The following RGS7 variants were observed in gnomAD, a reference collection of about 807,000 sequenced individuals.
The protein encoded by RGS7 is regulator of G-protein signaling 7.
A neutral mutation model predicts 81.1 loss-of-function variants in RGS7; 27 were observed. The observed-to-expected ratio is 0.33, with a 90% confidence interval of 0.25 to 0.46. RGS7 has a LOEUF of 0.46. Ranked by LOEUF, RGS7 falls within the 20% of genes least tolerant of loss-of-function variation. The pLI, the probability that RGS7 is intolerant of heterozygous loss-of-function variation, is 1.00. For missense variants in RGS7, 396 were observed against 607.4 expected, an observed-to-expected ratio of 0.65 and a Z score of 3.66; for synonymous variants, 208 against 207.7, an observed-to-expected ratio of 1.00 and a Z score of -0.01.
chr1:240,854,547 C>T (rs1468563459), intron 9 of RGS7, among the ~76,000 whole-genome samples: 2 of 152,144 alleles, frequency 1.3e-5, no homozygotes, highest in African/African-American at 2.4e-5. Flanking sequence ...GGAAAGGAGA[C>T]GCTACGCCTC....
At chr1:241,026,165 C>A (rs1558614928) in intron 3 of RGS7, among the ~76,000 whole-genome samples, 2 of 152,238 alleles carry the variant, frequency 1.3e-5, no homozygotes, top group Non-Finnish European at 2.9e-5. Context: ...ACACATTTTT[C>A]TTATTATATT....
At chr1:240,984,660 G>A (rs887106847) in intron 3 of RGS7, among the ~76,000 whole-genome samples, 2 of 152,116 alleles carry the variant, frequency 1.3e-5, no homozygotes, top group African/African-American at 4.8e-5. Context: ...TTATGCCTGC[G>A]TGAATTGAAT....
intron 2 of RGS7, among the ~76,000 whole-genome samples, chr1:241,227,458 C>T (rs2140065): frequency 0.18 from 27,199 of 150,026 alleles, 2,985 homozygotes; most frequent in African/African-American, 0.32. Context: ...CTTTCAAGAG[C>T]GAATAGGCTC....
intron 14 of RGS7, among the ~76,000 whole-genome samples, chr1:240,809,078 T>C (rs1319761689): frequency 6.6e-6 from 1 of 152,160 alleles, no homozygotes; most frequent in African/African-American, 2.4e-5. Flanking sequence ...ATAAATTATA[T>C]AGAAGGCACT....
At chr1:241,091,675 C>T (rs1252264257) in intron 3 of RGS7, among the ~76,000 whole-genome samples, 1 of 151,900 alleles carries the variant, frequency 6.6e-6, no homozygotes, top group East Asian at 1.9e-4. Flanking sequence ...CTCTTGAGTC[C>T]AGGAGTTTGA....
intron 2 of RGS7, among the ~76,000 whole-genome samples, chr1:241,158,092 T>TA (rs1417609681): frequency 2.6e-5 from 4 of 152,122 alleles, no homozygotes; most frequent in Non-Finnish European, 5.9e-5. Flanking sequence ...GTGCTGGAAT[T>TA]ACAGGTGTGA....
intron 3 of RGS7, among the ~76,000 whole-genome samples, chr1:241,049,839 G>A (rs929365903): frequency 2.6e-5 from 4 of 152,120 alleles, no homozygotes; most frequent in Admixed American, 6.5e-5. Flanking sequence ...TGGGACAGAC[G>A]CATGAAATCT....
intron 2 of RGS7, among the ~76,000 whole-genome samples, chr1:241,306,620 A>C (rs577515217): frequency 7.9e-5 from 12 of 151,810 alleles, no homozygotes; most frequent in Middle Eastern, 3.4e-3. Context: ...ATATATACGC[A>C]CATGTCCACA....
At chr1:241,103,187 A>G (rs912029048) in intron 2 of RGS7, among the ~76,000 whole-genome samples, 27 of 152,150 alleles carry the variant, frequency 1.8e-4, no homozygotes, top group Admixed American at 6.6e-4. Context: ...GTGTATATAT[A>G]TATACTTACA....
rs1298053245 is a variant in RGS7, at chr1:241,119,911, GACTAGCTC to G, written c.79-21157_79-21150del. On this transcript the variant is annotated intron_variant, in intron 2 of 18. Transcript: ENST00000440928. ...TTCAGTTATTCTTTCAAGTAACAAT[GACTAGCTC>G]AGTTTGCAACTCAAATAATAGCACA... 7.4e-3 allele frequency among the ~76,000 whole-genome samples: 1,134 copies of G among 152,216 alleles called. 9 individuals carry two copies. Among genetic ancestry groups the G allele is most frequent in the African/African-American group, 0.026 (1,086 of 41,528 alleles).
At chr1:240,774,793 C>T (rs1199690348), downstream of RGS7, among the ~76,000 whole-genome samples, 7 of 152,096 alleles carry the variant, frequency 4.6e-5, no homozygotes, top group Non-Finnish European at 7.3e-5. Context: ...CGGCCCTCCT[C>T]GTCCACAGGT....
At chr1:241,152,849 G>C (rs746157996) in intron 2 of RGS7, among the ~76,000 whole-genome samples, 6 of 152,198 alleles carry the variant, frequency 3.9e-5, no homozygotes, top group Non-Finnish European at 5.9e-5. Context: ...CATGTAGTAT[G>C]AGTGAGGAAG....
Position 240,780,838 on chromosome 1 carries a change from C to T in RGS7, c.*7-4625G>A, listed in dbSNP as rs560609824. 1.9e-4 allele frequency among the ~76,000 whole-genome samples: 28 copies of T among 147,784 alleles called. No homozygotes were observed. The South Asian group carries it at 3.2e-3, about 17-fold the overall frequency. On this transcript the variant is annotated intron_variant, in intron 18 of 18. Coordinates refer to ENST00000440928, the MANE Select transcript of RGS7 (RefSeq NM_001364886.1). ...CCGAGGCAGGAGAATCGCTTGAATC[C>T]GGGAGGTGGAGGTTGCAGTGAGTCG...
rs868105600 is a variant in RGS7 at position 240,777,212 on chromosome 1, G to A, written c.*7-999C>T. Among the ~76,000 whole-genome samples, 12 of 152,050 alleles carry A rather than the reference G, an allele frequency of 7.9e-5. No homozygotes were observed. In the South Asian group the frequency reaches 2.5e-3, roughly 32 times the overall value. ...CAGGAGAATCACTTGAACCCAGGAC[G>A]CGGAGGTTGCAGTGGGCTGAGATCG... On this transcript the variant is annotated intron_variant, in intron 18 of 18. Coordinates refer to ENST00000440928, the MANE Select transcript of RGS7 (RefSeq NM_001364886.1).
In RGS7 at chr1:241,182,648, CTT is replaced by C. The variant is rs34005010; in HGVS notation, c.79-83888_79-83887del. The stretch of plus-strand genomic sequence containing the variant: ...CTTCTTCCTAACCCGGCATCTCACG[CTT>C]TTTTTTTTTTTTTTTTTGAGACAGA... On this transcript the variant is annotated intron_variant, in intron 2 of 18. Transcript: ENST00000440928. Among the ~76,000 whole-genome samples the C allele has an allele frequency of 9.2e-3, 1,082 of 118,138 alleles. 3 individuals are homozygous for C. Among genetic ancestry groups the C allele is most frequent in the Non-Finnish European group, 0.014 (798 of 57,186 alleles). The allele number at this position is 118,138 out of a possible 152,430, so 77.5% of individuals were successfully genotyped here.
At chr1:240,950,637 C>A (rs1351492262) in intron 4 of RGS7, among the ~76,000 whole-genome samples, 1 of 152,180 alleles carries the variant, frequency 6.6e-6, no homozygotes, top group Non-Finnish European at 1.5e-5. Flanking sequence ...TTATATAATT[C>A]TCTCATTCCC....
chr1:241,012,524 C>T (rs781764983), intron 3 of RGS7, among the ~76,000 whole-genome samples: 35 of 152,260 alleles, frequency 2.3e-4, no homozygotes, highest in Non-Finnish European at 4.3e-4. Context: ...CTCTCATTAT[C>T]CCCCTTCCTG....
intron 6 of RGS7, among the ~76,000 whole-genome samples, chr1:240,891,350 T>C (rs1228176607): frequency 6.6e-6 from 1 of 152,218 alleles, no homozygotes; most frequent in African/African-American, 2.4e-5. Flanking sequence ...TTCTAAGTGT[T>C]ACTTCAGATT....
chr1:240,801,206 T>C (rs1687971904), intron 17 of RGS7, among the ~76,000 whole-genome samples: 1 of 152,188 alleles, frequency 6.6e-6, no homozygotes, highest in Admixed American at 6.5e-5. Flanking sequence ...TTTTATATGT[T>C]GTAATATAAA....
Sources: allele counts gnomAD v4.1 joint callset (sites outside exome capture counted in the v4.1 genomes callset), GRCh38; gene constraint gnomAD v4.1.1; transcripts MANE v1.5; gene names NCBI Gene and HGNC (gene_info 2026-07-23, HGNC 2026-07-21).